RPRD1A: variants seen among roughly 807,000 people sequenced by gnomAD.
RPRD1A encodes regulation of nuclear pre-mRNA domain containing 1A, also known as regulation of nuclear pre-mRNA domain-containing protein 1A.
In RPRD1A, 9 loss-of-function variants were observed where a neutral mutation model predicts 37.8. The observed-to-expected ratio is 0.24, with a 90% CI of 0.14 to 0.42. RPRD1A has a LOEUF of 0.42. Ranked by LOEUF, RPRD1A falls within the 10% of genes least tolerant of loss-of-function variation. The pLI is 1.00. For synonymous variants in RPRD1A, 138 were observed against 139.7 expected (o/e 0.99, Z 0.08); for missense variants, 255 against 371.0 (o/e 0.69, Z 2.57).
chr18:36,067,078 T>C (rs2089045528), intron 1 of RPRD1A, among the ~76,000 whole-genome samples, 176 bp downstream of exon 1: 2 of 152,250 alleles, frequency 1.3e-5, no homozygotes, highest in African/African-American at 4.8e-5. Context: ...ATTCAATAAA[T>C]ATCTAAGCCC....
chr18:36,004,098 T>C (rs986929172), intron 6 of RPRD1A, among the ~76,000 whole-genome samples: 2 of 149,912 alleles, frequency 1.3e-5, no homozygotes, highest in African/African-American at 4.9e-5. Flanking sequence ...CCCAAAGTGC[T>C]GGGATTACAG....
intron 1 of RPRD1A, among the ~76,000 whole-genome samples, chr18:36,037,477 G>A (rs1912275864): frequency 6.6e-6 from 1 of 152,206 alleles, no homozygotes; most frequent in Admixed American, 6.5e-5. Flanking sequence ...AGAACTGTGA[G>A]TCAATTAAAT....
chr18:36,004,327 TTAC>T (rs1018485519), intron 6 of RPRD1A, among the ~76,000 whole-genome samples: 16 of 151,788 alleles, frequency 1.1e-4, no homozygotes, highest in Non-Finnish European at 1.9e-4. Context: ...CAGTATCAGC[TTAC>T]TACAACCTCT....
chr18:36,044,432 A>C (rs1008889832), intron 1 of RPRD1A, among the ~76,000 whole-genome samples: 4 of 152,238 alleles, frequency 2.6e-5, no homozygotes, highest in Non-Finnish European at 5.9e-5. Flanking sequence ...TCACACCTGT[A>C]ATCCCAGCAT....
In RPRD1A at chr18:36,039,119, A is replaced by C. The variant is rs368889954; in HGVS notation, c.152-5282T>G. 1.9e-4 allele frequency among the ~76,000 whole-genome samples: 29 copies of C among 152,150 alleles called. 1 individual carries two copies. The South Asian group carries it at 5.6e-3, about 29-fold the overall frequency. ...ATGTAAGAAGGACATGAGATTTGGG[A>C]GGGGCCGGGGTGGAATGATATGGTT... On this transcript the variant is annotated intron_variant, in intron 1 of 6. Coordinates refer to ENST00000399022, the MANE Select transcript of RPRD1A (RefSeq NM_018170.5).
rs1908708679 is a variant in RPRD1A at position 35,991,372 on chromosome 18, C to G, written c.*1779G>C. On this transcript the variant is annotated 3_prime_UTR_variant, in exon 7 of 7. Coordinates refer to ENST00000399022, the MANE Select transcript of RPRD1A (RefSeq NM_018170.5). ...TTGGCTGAATCTTTTTCTTCCATTT[C>G]CTACACCTAGGGACAGAGGTACACA... 6.6e-6 allele frequency: 1 copy of G among 152,166 alleles called. No homozygotes were observed. The allele number at this position is 152,166 out of a possible 1,614,324, so 9.4% of individuals were successfully genotyped here.
In RPRD1A at chr18:36,008,575, G is replaced by GTATATATA. The variant is rs201194752; in HGVS notation, c.790-15276_790-15275insTATATATA. Among the ~76,000 whole-genome samples, 74 of 42,382 alleles carry GTATATATA rather than the reference G, an allele frequency of 1.7e-3. 7 individuals carry two copies. The highest frequency in any genetic ancestry group is 6.1e-3 in the African/African-American group (71 of 11,594). 27.8% of individuals were successfully genotyped at this position (42,382 alleles called of 152,430 possible). A position where few individuals can be genotyped will look rare whatever the true frequency, so the allele number is the denominator to read the frequency against. ...TGGGCGACACAGCAAGACCTTGTGT[G>GTATATATA]TGTATATATATATATCTTTAAAAAT... is the stretch of plus-strand genomic sequence containing the variant. On this transcript the variant is annotated intron_variant, in intron 6 of 6. Transcript: ENST00000399022.
intron 6 of RPRD1A, among the ~76,000 whole-genome samples, chr18:36,015,087 C>T (rs544132103): frequency 3.7e-4 from 55 of 148,826 alleles, no homozygotes; most frequent in African/African-American, 1.3e-3. Context: ...AGCAATTCAA[C>T]CTCTCAGTAA....
intron 6 of RPRD1A, among the ~76,000 whole-genome samples, chr18:35,994,401 T>G (rs541124501): frequency 6.6e-6 from 1 of 152,174 alleles, no homozygotes. Flanking sequence ...GTAGTAAGGA[T>G]AGAGCAATGT....
chr18:36,040,722 A>G (rs2144335346), intron 1 of RPRD1A: 3 of 730,588 alleles, frequency 4.1e-6, no homozygotes, highest in South Asian at 1.9e-5. Flanking sequence ...GTACCTCCTT[A>G]CCCACATCTA....
At chr18:36,019,530 G>A (rs558278377) in intron 6 of RPRD1A, among the ~76,000 whole-genome samples, 32 of 152,152 alleles carry the variant, frequency 2.1e-4, no homozygotes, top group Non-Finnish European at 3.5e-4. Flanking sequence ...GGTAGTACAT[G>A]ACAACCACTT....
At chr18:36,016,581 T>A (rs1476149595) in intron 6 of RPRD1A, among the ~76,000 whole-genome samples, 1 of 152,190 alleles carries the variant, frequency 6.6e-6, no homozygotes, top group East Asian at 1.9e-4. Context: ...TTTGCTTTTT[T>A]TAAATTATTT....
intron 1 of RPRD1A, among the ~76,000 whole-genome samples, chr18:36,056,194 A>C (rs1913752648): frequency 6.6e-6 from 1 of 152,222 alleles, no homozygotes; most frequent in Non-Finnish European, 1.5e-5. Context: ...CAATGCCATT[A>C]AACTGTTAAC....
chr18:36,065,088 C>G (rs930500570), intron 1 of RPRD1A, among the ~76,000 whole-genome samples: 4 of 152,156 alleles, frequency 2.6e-5, no homozygotes, highest in African/African-American at 4.8e-5. Flanking sequence ...ACTCCGGACA[C>G]ACCATCTTTA....
chr18:36,001,457 G>C (rs181258729), intron 6 of RPRD1A, among the ~76,000 whole-genome samples: 2 of 152,208 alleles, frequency 1.3e-5, no homozygotes, highest in Admixed American at 1.3e-4. Context: ...CACTCACTTA[G>C]TACATATATT....
intron 6 of RPRD1A, among the ~76,000 whole-genome samples, chr18:35,998,433 A>G (rs1909221342): frequency 1.3e-5 from 2 of 152,162 alleles, no homozygotes. Flanking sequence ...TTGGGAACCA[A>G]TGCTTTACCT....
At chr18:36,030,740 A>C in intron 4 of RPRD1A, 68 bp downstream of exon 4, 9 of 957,116 alleles carry the variant, frequency 9.4e-6, no homozygotes, top group Middle Eastern at 4.3e-4. Flanking sequence ...AGTGAAACGA[A>C]ATTAATAAAG....
At chr18:36,062,858 G>A (rs1598677684) in intron 1 of RPRD1A, 1 of 152,164 alleles carries the variant, frequency 6.6e-6, no homozygotes, top group Non-Finnish European at 1.5e-5. Flanking sequence ...TTCTAAAACT[G>A]GTGGTAGCTT....
chr18:36,066,888 A>G (rs114344147), intron 1 of RPRD1A, among the ~76,000 whole-genome samples: 286 of 152,158 alleles, frequency 1.9e-3, no homozygotes, highest in African/African-American at 6.7e-3. Context: ...ACCCACACCA[A>G]TCTTTTTCTT....
Sources: allele counts gnomAD v4.1 joint callset (sites outside exome capture counted in the v4.1 genomes callset), GRCh38; gene constraint gnomAD v4.1.1; transcripts MANE v1.5; gene names NCBI Gene and HGNC (gene_info 2026-07-23, HGNC 2026-07-21).